XKR6: variants seen among roughly 807,000 people sequenced by gnomAD.
The protein encoded by XKR6 is XK-related protein 6.
XKR6 carries 22 observed loss-of-function variants against 56.7 expected under a neutral mutation model. The ratio of observed to expected loss-of-function variants is 0.39; its 90% confidence interval spans 0.28 to 0.55. XKR6 has a LOEUF of 0.55. Among genes scored for constraint, XKR6 ranks in the 20% least tolerant of loss-of-function variants. XKR6 has a pLI of 0.66. For missense variants in XKR6, 852 were observed against 889.0 expected (o/e 0.96, Z 0.53); for synonymous variants, 524 against 387.8 (o/e 1.35, Z -4.13).
chr8:11,088,692 C>A lies in XKR6; in HGVS notation c.764+111884G>T, dbSNP rs150248981. The stretch of plus-strand genomic sequence containing the variant: ...TGAGGATTAAACTGTAATCTTAACA[C>A]TGATTTCAACGTTCTAGACATACAA... On this transcript the variant is annotated intron_variant, in intron 1 of 2. Coordinates refer to ENST00000416569, the MANE Select transcript of XKR6 (RefSeq NM_173683.4). Among the ~76,000 whole-genome samples, 135 of 152,306 alleles carry A rather than the reference C, an allele frequency of 8.9e-4. No homozygotes were observed. In the Middle Eastern group the frequency reaches 0.017, roughly 19 times the overall value.
At position 11,168,344 on chromosome 8, in the gene XKR6, G is replaced by A. The variant is rs141152046; in HGVS notation, c.764+32232C>T. Among the ~76,000 whole-genome samples the A allele has an allele frequency of 2.1e-3, 314 of 152,214 alleles. 1 individual carries two copies. The highest frequency in any genetic ancestry group is 6.9e-3 in the African/African-American group (288 of 41,534). On this transcript the variant is annotated intron_variant, in intron 1 of 2. Coordinates refer to ENST00000416569, the MANE Select transcript of XKR6 (RefSeq NM_173683.4). The stretch of plus-strand genomic sequence containing the variant: ...ATTTGATTAAAGAATAAATTCAATC[G>A]GAGATATAATAATTATAAACATAAA...
intron 1 of XKR6, among the ~76,000 whole-genome samples, chr8:10,949,359 G>A (rs1382882983): frequency 6.6e-6 from 1 of 152,208 alleles, no homozygotes; most frequent in African/African-American, 2.4e-5. Context: ...CTTCATCTGG[G>A]GTGCAGCAGC....
At chr8:11,110,594 A>T (rs368100104) in intron 1 of XKR6, among the ~76,000 whole-genome samples, 1 of 152,268 alleles carries the variant, frequency 6.6e-6, no homozygotes, top group South Asian at 2.1e-4. Context: ...TGTCGTCTTA[A>T]AAGTCAGTCT....
chr8:11,101,803 T>C (rs574462733), intron 1 of XKR6, among the ~76,000 whole-genome samples: 1 of 152,264 alleles, frequency 6.6e-6, no homozygotes, highest in East Asian at 1.9e-4. Context: ...AGTTTGTGGG[T>C]TTATCTCGGC....
In XKR6 at chr8:10,985,088, C is replaced by T. The variant is rs375043752; in HGVS notation, c.765-60258G>A. 5.3e-5 allele frequency among the ~76,000 whole-genome samples: 8 copies of T among 152,118 alleles called. No individual in the cohort carries two copies. The East Asian group carries it at 1.5e-3, about 29-fold the overall frequency. ...CAGAGTAGCTGGGATTACAGGCACA[C>T]ACCACCATGCCAGGCTAAATTTCTT... is the stretch of plus-strand genomic sequence containing the variant. On this transcript the variant is annotated intron_variant, in intron 1 of 2. Coordinates refer to ENST00000416569, the MANE Select transcript of XKR6 (RefSeq NM_173683.4).
chr8:10,959,114 C>A (rs764393912), intron 1 of XKR6, among the ~76,000 whole-genome samples: 2 of 152,152 alleles, frequency 1.3e-5, no homozygotes, highest in South Asian at 4.1e-4. Context: ...CTTTGGGGGT[C>A]CCTGGACTGA....
At chr8:11,085,182 TG>T (rs1797845316) in intron 1 of XKR6, among the ~76,000 whole-genome samples, 1 of 152,146 alleles carries the variant, frequency 6.6e-6, no homozygotes, top group African/African-American at 2.4e-5. Context: ...CACAGATCTC[TG>T]TGGGCATCAC....
At chr8:10,965,707 G>T (rs1347860471) in intron 1 of XKR6, among the ~76,000 whole-genome samples, 1 of 152,220 alleles carries the variant, frequency 6.6e-6, no homozygotes, top group Admixed American at 6.5e-5. Flanking sequence ...GGTGTTACCG[G>T]GGCAACAGAC....
chr8:11,199,565 C>T (rs1441393161), intron 1 of XKR6, among the ~76,000 whole-genome samples: 1 of 152,174 alleles, frequency 6.6e-6, no homozygotes, highest in African/African-American at 2.4e-5. Context: ...CTTGCAAATG[C>T]TCTCACCTAC....
chr8:10,957,547 G>A (rs1801927362), intron 1 of XKR6, among the ~76,000 whole-genome samples: 1 of 152,184 alleles, frequency 6.6e-6, no homozygotes, highest in African/African-American at 2.4e-5. Flanking sequence ...AGGCTCCCAG[G>A]AGACAGATAG....
intron 1 of XKR6, among the ~76,000 whole-genome samples, chr8:11,138,921 A>T (rs114407863): frequency 0.13 from 19,629 of 149,224 alleles, 2,626 homozygotes; most frequent in African/African-American, 0.36. Flanking sequence ...CACCGGCAGA[A>T]TAAAAAAAAA....
intron 1 of XKR6, chr8:11,137,646 G>A (rs1385988983): frequency 2.2e-6 from 1 of 456,276 alleles, no homozygotes; most frequent in Non-Finnish European, 4.4e-6. Flanking sequence ...GAAACACCAT[G>A]CCATGGTGTG....
intron 1 of XKR6, among the ~76,000 whole-genome samples, chr8:10,986,981 G>A (rs1247385176): frequency 6.6e-6 from 1 of 151,764 alleles, no homozygotes; most frequent in Non-Finnish European, 1.5e-5. Flanking sequence ...TAGAGATGGG[G>A]GTCTCACTAC....
chr8:10,977,914 G>T (rs557978957), intron 1 of XKR6, among the ~76,000 whole-genome samples: 72 of 152,128 alleles, frequency 4.7e-4, no homozygotes, highest in African/African-American at 1.7e-3. Context: ...TTGGCAACTG[G>T]TGGTGATACA....
At chr8:11,093,979 T>C (rs1020934546) in intron 1 of XKR6, among the ~76,000 whole-genome samples, 2 of 151,968 alleles carry the variant, frequency 1.3e-5, no homozygotes, top group African/African-American at 4.8e-5. Context: ...GAGATGGGGG[T>C]TTCACCGTGT....
chr8:11,041,768 G>A (rs1799292545), intron 1 of XKR6, among the ~76,000 whole-genome samples: 1 of 152,184 alleles, frequency 6.6e-6, no homozygotes, highest in Non-Finnish European at 1.5e-5. Context: ...GCCCAGGCCA[G>A]GATAGGGAAA....
At chr8:11,171,460 T>TG (rs1444215040) in intron 1 of XKR6, among the ~76,000 whole-genome samples, 1 of 152,230 alleles carries the variant, frequency 6.6e-6, no homozygotes, top group Non-Finnish European at 1.5e-5. Context: ...TACTGGGGCC[T>TG]GACAGGAGGT....
chr8:11,174,500 T>C (rs1802556557), intron 1 of XKR6, among the ~76,000 whole-genome samples: 1 of 152,184 alleles, frequency 6.6e-6, no homozygotes, highest in Non-Finnish European at 1.5e-5. Context: ...CTAAATACTA[T>C]TTTCCAGCAT....
In XKR6 at chr8:10,984,726, C is replaced by CTATATATATA. The variant is rs1403239181; in HGVS notation, c.765-59897_765-59896insTATATATATA. ...TCTCTCTCTCTCTCTCTCTCTCTCT[C>CTATATATATA]TCTCTCTATATATATATATATATAT... On this transcript the variant is annotated intron_variant, in intron 1 of 2. Coordinates refer to ENST00000416569, the MANE Select transcript of XKR6 (RefSeq NM_173683.4). Among the ~76,000 whole-genome samples the CTATATATATA allele has an allele frequency of 1.3e-3, 93 of 70,240 alleles. 1 individual carries two copies. Among genetic ancestry groups the CTATATATATA allele is most frequent in the African/African-American group, 5.9e-3 (88 of 14,988 alleles). The allele number at this position is 70,240 out of a possible 152,430, so 46.1% of individuals were successfully genotyped here.
Sources: gnomAD v4.1 joint callset for allele counts (sites outside exome capture counted in the v4.1 genomes callset) on GRCh38, gnomAD v4.1.1 for gene constraint, MANE v1.5 for transcripts, NCBI Gene and HGNC (gene_info 2026-07-23, HGNC 2026-07-21) for gene names.